SIPA1L3: variants seen among roughly 807,000 people sequenced by gnomAD.
SIPA1L3 encodes signal-induced proliferation-associated 1-like protein 3.
In SIPA1L3, 59 loss-of-function variants were observed where a neutral mutation model predicts 150.1. The ratio of observed to expected loss-of-function variants is 0.39; its 90% CI spans 0.32 to 0.49. The LOEUF (loss-of-function observed/expected upper bound fraction) is 0.49, where lower values mean the gene tolerates loss of function less well. Ranked by LOEUF, SIPA1L3 falls within the 20% of genes least tolerant of loss-of-function variation. The probability of loss-of-function intolerance (pLI) is 0.86; values close to 1 mark genes in which losing one functional copy is unlikely to be tolerated. For synonymous variants in SIPA1L3, 1,070 were observed against 1,077.6 expected, an observed-to-expected ratio of 0.99 and a Z score of 0.14; for missense variants, 2,211 against 2,489.5, an observed-to-expected ratio of 0.89 and a Z score of 2.38.
chr19:38,094,551 G>A (rs1034163955), intron 4 of SIPA1L3, among the ~76,000 whole-genome samples: 40 of 152,130 alleles, frequency 2.6e-4, no homozygotes, highest in African/African-American at 8.5e-4. Context: ...GCACCTGGCT[G>A]TGTGTATGTT....
At chr19:37,927,679 G>A (rs1365340245) in intron 1 of SIPA1L3, among the ~76,000 whole-genome samples, 1 of 148,488 alleles carries the variant, frequency 6.7e-6, no homozygotes, top group African/African-American at 2.6e-5. Flanking sequence ...GTGTGTGTGT[G>A]TGTGTGTGTG....
chr19:38,044,376 C>A (rs1232975521), intron 2 of SIPA1L3, among the ~76,000 whole-genome samples: 5 of 152,032 alleles, frequency 3.3e-5, no homozygotes, highest in Non-Finnish European at 7.4e-5. Flanking sequence ...ACGAGGAGAG[C>A]CGTGTGGATG....
chr19:37,918,871 A>AAAATAAATAAATAAAT (rs56883776), intron 1 of SIPA1L3, among the ~76,000 whole-genome samples: 7 of 140,214 alleles, frequency 5.0e-5, no homozygotes, highest in Non-Finnish European at 7.7e-5. Flanking sequence ...ACTCGGTCTC[A>AAAATAAATAAATAAAT]AAATAAATAA....
At chr19:37,968,558 A>C (rs1246254426) in intron 1 of SIPA1L3, among the ~76,000 whole-genome samples, 1 of 152,172 alleles carries the variant, frequency 6.6e-6, no homozygotes, top group Non-Finnish European at 1.5e-5. Context: ...AGGTAAAAGA[A>C]AACCAAACCC....
chr19:38,106,603 C>T lies in SIPA1L3; in HGVS notation c.2096C>T (p.Ser699Phe). Residue 699 changes from serine (S) to phenylalanine (F), a missense_variant, in exon 7 of 22, where the codon TCC becomes TTC. Ser to Phe is a radical substitution (Grantham distance 155). Coordinates refer to ENST00000222345, the MANE Select transcript of SIPA1L3 (RefSeq NM_015073.3). ...GACTACGAGATCATGTTCCATGTCTCCACCCTGCTCCCTTACACCCCCAAC... is the reference window on the plus strand; with the variant it reads ...GACTACGAGATCATGTTCCATGTCTTCACCCTGCTCCCTTACACCCCCAAC... ...YQDYEIMFHV[S>F]TLLPYTPNNR... 6.2e-7 allele frequency: 1 copy of T among 1,613,996 alleles called. No individual in the cohort carries two copies. The highest frequency in any genetic ancestry group is 8.5e-7 in the Non-Finnish European group (1 of 1,179,844).
At chr19:38,009,718 T>G (rs939252264) in intron 1 of SIPA1L3, among the ~76,000 whole-genome samples, 11 of 152,036 alleles carry the variant, frequency 7.2e-5, no homozygotes, top group African/African-American at 2.7e-4. Context: ...CGCAGACCTG[T>G]GATTTGATTC....
intron 12 of SIPA1L3, among the ~76,000 whole-genome samples, chr19:38,144,329 A>G (rs1971660497): frequency 6.6e-6 from 1 of 152,274 alleles, no homozygotes; most frequent in Admixed American, 6.5e-5. Context: ...CATAGTACAC[A>G]GTCCGACACA....
At chr19:38,146,970 T>C (rs543102121) in intron 12 of SIPA1L3, among the ~76,000 whole-genome samples, 3 of 152,326 alleles carry the variant, frequency 2.0e-5, no homozygotes, top group South Asian at 4.1e-4. Flanking sequence ...TTGTCAGATA[T>C]GCGATTTGCA....
At chr19:38,144,842 A>G (rs878883387) in intron 12 of SIPA1L3, among the ~76,000 whole-genome samples, 3 of 152,220 alleles carry the variant, frequency 2.0e-5, no homozygotes, top group Admixed American at 2.0e-4. Context: ...CCAGCACTGG[A>G]GGTCTAGACT....
chr19:38,111,119 G>A lies in SIPA1L3; in HGVS notation c.2291+735G>A, dbSNP rs1970728411. On this transcript the variant is annotated intron_variant, in intron 8 of 21. Transcript: ENST00000222345. Reference sequence around the variant, plus strand: ...GCTCACTGCAGCCTTGACCCCCCCGGGCTCAAACGATCCTCCTGCCTCAGC... The same window carrying A: ...GCTCACTGCAGCCTTGACCCCCCCGAGCTCAAACGATCCTCCTGCCTCAGC... Among the ~76,000 whole-genome samples, 3 of 151,588 alleles carry A rather than the reference G, an allele frequency of 2.0e-5. No homozygotes were observed. In the South Asian group the frequency reaches 6.3e-4, roughly 32 times the overall value.
At chr19:38,145,770 C>T (rs1277373013) in intron 12 of SIPA1L3, among the ~76,000 whole-genome samples, 12 of 151,990 alleles carry the variant, frequency 7.9e-5, no homozygotes, top group East Asian at 5.8e-4. Context: ...GTAACCATCA[C>T]GAGGTGCCTC....
At chr19:37,926,017 G>C (rs1423749669) in intron 1 of SIPA1L3, among the ~76,000 whole-genome samples, 1 of 152,208 alleles carries the variant, frequency 6.6e-6, no homozygotes, top group East Asian at 1.9e-4. Flanking sequence ...ATGGTGACCA[G>C]TTCCTTGACA....
chr19:37,988,381 T>C (rs1196932701), intron 1 of SIPA1L3, among the ~76,000 whole-genome samples: 1 of 151,906 alleles, frequency 6.6e-6, no homozygotes, highest in Non-Finnish European at 1.5e-5. Flanking sequence ...AAAAAATTAT[T>C]ATCAAAAAGA....
chr19:38,026,163 G>A (rs749851049), intron 1 of SIPA1L3, among the ~76,000 whole-genome samples: 1 of 152,162 alleles, frequency 6.6e-6, no homozygotes, highest in Non-Finnish European at 1.5e-5. Flanking sequence ...GCCTGGTGAG[G>A]TTGTCAGGAC....
intron 9 of SIPA1L3, among the ~76,000 whole-genome samples, chr19:38,130,026 C>T (rs901542028): frequency 3.3e-5 from 5 of 152,030 alleles, no homozygotes; most frequent in East Asian, 3.9e-4. Flanking sequence ...GAGATCATGC[C>T]GCTGCACTTC....
At position 37,965,460 on chromosome 19, in the gene SIPA1L3, C is replaced by T. The variant is rs149510310; in HGVS notation, c.-379+58102C>T. 7.1e-3 allele frequency among the ~76,000 whole-genome samples: 1,078 copies of T among 151,880 alleles called. 35 individuals carry two copies. Among genetic ancestry groups the T allele is most frequent in the East Asian group, 0.066 (338 of 5,148 alleles). ...CCTCCTGAGTAGCTGGGATTACAGG[C>T]GCGTGCCACCATGCCCGGCTAATTT... is the stretch of plus-strand genomic sequence containing the variant. On this transcript the variant is annotated intron_variant, in intron 1 of 21. Transcript: ENST00000222345.
In SIPA1L3 at chr19:38,082,319, G is replaced by C; in HGVS notation, c.754G>C (p.Gly252Arg). ...GGCAGATCCTGGCCCACACCTCATG[G>C]GGGGCGGCGGCGGAGCCAAGGGGGA... ...LRADPGPHLM[G>R]GGGGAKGDSH... The change falls in exon 3 of 22, where the codon GGG (glycine) becomes CGG (arginine). Residue 252 changes from glycine (G) to arginine (R), a missense_variant. Physicochemically the swap from Gly to Arg is moderately radical, Grantham distance 125. Around this residue, in one of 5 missense-constraint regions of SIPA1L3, gnomAD observed 587 missense variants for 534.5 expected, o/e 1.10. Coordinates refer to ENST00000222345, the MANE Select transcript of SIPA1L3 (RefSeq NM_015073.3). 1 of 1,598,944 alleles carries C rather than the reference G, an allele frequency of 6.3e-7. No homozygotes were observed. The highest frequency in any genetic ancestry group is 8.5e-7 in the Non-Finnish European group (1 of 1,179,018).
Position 38,167,231 on chromosome 19 carries a change from C to CAAAAAAAA in SIPA1L3, c.4208+2335_4208+2342dup, listed in dbSNP as rs370193698. Among the ~76,000 whole-genome samples the CAAAAAAAA allele has an allele frequency of 2.5e-4, 22 of 87,526 alleles. 4 individuals are homozygous for CAAAAAAAA. The highest frequency in any genetic ancestry group is 3.5e-4 in the African/African-American group (9 of 25,962). The allele number at this position is 87,526 out of a possible 152,430, so 57.4% of individuals were successfully genotyped here. A position where few individuals can be genotyped will look rare whatever the true frequency, so the allele number is the denominator to read the frequency against. On this transcript the variant is annotated intron_variant, in intron 15 of 21. Coordinates refer to ENST00000222345, the MANE Select transcript of SIPA1L3 (RefSeq NM_015073.3). ...CTGGCAACAGAGCGAGATTCCATCT[C>CAAAAAAAA]AAAAAAAAAAAAAAAAAGGTGAAGC...
At chr19:37,919,582 C>T (rs193240983) in intron 1 of SIPA1L3, among the ~76,000 whole-genome samples, 54 of 152,204 alleles carry the variant, frequency 3.5e-4, no homozygotes, top group Non-Finnish European at 5.9e-4. Context: ...AACAGACAGA[C>T]GAACAGATGG....
Sources: allele counts gnomAD v4.1 joint callset (sites outside exome capture counted in the v4.1 genomes callset), GRCh38; gene constraint gnomAD v4.1.1; regional missense constraint gnomAD v4.1.1; transcripts MANE v1.5; gene names NCBI Gene and HGNC (gene_info 2026-07-23, HGNC 2026-07-21).